Variants in PPP1R12B observed in about 807,000 individuals in gnomAD.
PPP1R12B encodes myosin phosphatase target subunit 2.
Under a neutral mutation model 126.1 loss-of-function variants are expected in PPP1R12B, and 76 were observed. That is an observed-to-expected ratio of 0.60 (90% confidence interval 0.50 to 0.73). The LOEUF (loss-of-function observed/expected upper bound fraction) is 0.73, where lower values mean the gene tolerates loss of function less well. Ranked by LOEUF, PPP1R12B falls within the 30% of genes least tolerant of loss-of-function variation. The pLI is 0.00. For missense variants in PPP1R12B, 1,052 were observed against 1,205.1 expected, an observed-to-expected ratio of 0.87 and a Z score of 1.88; for synonymous variants, 356 against 434.7, an observed-to-expected ratio of 0.82 and a Z score of 2.25.
rs1269289416 is a variant in PPP1R12B at position 202,586,197 on chromosome 1, C to G, written c.*5637C>G. 8 of 152,290 alleles carry G rather than the reference C, an allele frequency of 5.3e-5. No homozygotes were observed. Among genetic ancestry groups the G allele is most frequent in the Non-Finnish European group, 1.0e-4 (7 of 68,090 alleles). The allele number at this position is 152,290 out of a possible 1,614,324, so 9.4% of individuals were successfully genotyped here. ...GCAGTGTTTACAAACCCAGAGTCCA[C>G]ACAACCATATTGCATAGAACAGCAC... On this transcript the variant is annotated 3_prime_UTR_variant, in exon 24 of 24. Coordinates refer to ENST00000608999, the MANE Select transcript of PPP1R12B (RefSeq NM_002481.4).
intron 18 of PPP1R12B, among the ~76,000 whole-genome samples, chr1:202,555,871 T>TA (rs1310975069): frequency 6.6e-6 from 1 of 151,706 alleles, no homozygotes; most frequent in Non-Finnish European, 1.5e-5. Flanking sequence ...ATAGCCAATA[T>TA]AATATTCTTT....
chr1:202,482,171 T>C (rs547568549), intron 13 of PPP1R12B, among the ~76,000 whole-genome samples: 1 of 152,344 alleles, frequency 6.6e-6, no homozygotes, highest in East Asian at 1.9e-4. Flanking sequence ...ATATTTTTGT[T>C]AACGTAAATA....
chr1:202,487,261 G>A lies in PPP1R12B; in HGVS notation c.1851-1272G>A, dbSNP rs149455393. ...ACACTAATGATTAAAAAACAACAACGAGAAACTCTCTTAGCCTATTTTCTA... is the reference window on the plus strand; with the variant it reads ...ACACTAATGATTAAAAAACAACAACAAGAAACTCTCTTAGCCTATTTTCTA... On this transcript the variant is annotated intron_variant, in intron 13 of 23. Coordinates refer to ENST00000608999, the MANE Select transcript of PPP1R12B (RefSeq NM_002481.4). 4.6e-5 allele frequency among the ~76,000 whole-genome samples: 7 copies of A among 152,284 alleles called. No individual in the cohort carries two copies. In the East Asian group the frequency reaches 5.8e-4, roughly 13 times the overall value.
chr1:202,510,370 A>G (rs992145169), intron 18 of PPP1R12B, among the ~76,000 whole-genome samples: 5 of 152,200 alleles, frequency 3.3e-5, no homozygotes, highest in Admixed American at 2.6e-4. Context: ...GATTCTGGAT[A>G]AGGAGGTGAC....
At chr1:202,571,162 T>A (rs1400194484) in intron 23 of PPP1R12B, among the ~76,000 whole-genome samples, 2 of 152,216 alleles carry the variant, frequency 1.3e-5, no homozygotes, top group Non-Finnish European at 2.9e-5. Context: ...AAATTTGGAA[T>A]TATGGAAGCC....
rs2149058265 is a variant in PPP1R12B, at chr1:202,592,000, A to G, written c.*11440A>G. 6.5e-6 allele frequency: 1 copy of G among 152,986 alleles called. No individual in the cohort carries two copies. The highest frequency in any genetic ancestry group is 2.1e-4 in the South Asian group (1 of 4,826). The allele number at this position is 152,986 out of a possible 1,614,324, so 9.5% of individuals were successfully genotyped here. On this transcript the variant is annotated 3_prime_UTR_variant, in exon 24 of 24. Coordinates refer to ENST00000608999, the MANE Select transcript of PPP1R12B (RefSeq NM_002481.4). Reference sequence around the variant, plus strand: ...GCCCTGGACACCGTCCATTCTCATGACACGGGACTGAGGGAGCAGGAGGGA... The same window carrying G: ...GCCCTGGACACCGTCCATTCTCATGGCACGGGACTGAGGGAGCAGGAGGGA...
intron 23 of PPP1R12B, chr1:202,574,942 G>A (rs1688953584): frequency 2.0e-6 from 3 of 1,464,110 alleles, no homozygotes; most frequent in Admixed American, 1.9e-5. Context: ...TCTCTCCTCT[G>A]GTCTGTCTTG....
intron 1 of PPP1R12B, among the ~76,000 whole-genome samples, chr1:202,373,009 G>T (rs535196457): frequency 2.0e-5 from 3 of 151,650 alleles, no homozygotes; most frequent in Admixed American, 6.6e-5. Context: ...ATCTTGGCTC[G>T]CAGCAACCTT....
chr1:202,473,783 G>A (rs1676256201), intron 13 of PPP1R12B: 1 of 375,086 alleles, frequency 2.7e-6, no homozygotes, highest in South Asian at 2.1e-5. Context: ...CAAATTGCAA[G>A]CTTTGCCTCT....
rs547931525 is a variant in PPP1R12B at position 202,533,262 on chromosome 1, CTTATA to C, written c.2491-25613_2491-25609del. ...GTATCTCTAGTTAGACTTTCCTTGA[CTTATA>C]TGACCTTGGTTTTTTGGGGGTATTT... On this transcript the variant is annotated intron_variant, in intron 18 of 23. Coordinates refer to ENST00000608999, the MANE Select transcript of PPP1R12B (RefSeq NM_002481.4). Among the ~76,000 whole-genome samples the C allele has an allele frequency of 9.4e-3, 1,431 of 151,944 alleles. 12 individuals carry two copies. The highest frequency in any genetic ancestry group is 0.013 in the Non-Finnish European group (891 of 67,972).
chr1:202,569,315 AG>A (rs2149028014), intron 23 of PPP1R12B, 118 bp downstream of exon 23: 1 of 1,019,316 alleles, frequency 9.8e-7, no homozygotes, highest in Admixed American at 2.1e-5. Flanking sequence ...ATCTGCAAGA[AG>A]AAATGATGTG....
rs558540611 is a variant in PPP1R12B at position 202,401,046 on chromosome 1, G to A, written c.292-15741G>A. On this transcript the variant is annotated intron_variant, in intron 1 of 23. Transcript: ENST00000608999. ...AACTTATGTGAAATTCAGATTTTTA[G>A]TGTCCATAAAATTTTACTGGAACCC... is the stretch of plus-strand genomic sequence containing the variant. Among the ~76,000 whole-genome samples the A allele has an allele frequency of 2.0e-5, 3 of 152,272 alleles. No homozygotes were observed. The East Asian group carries it at 5.8e-4, about 29-fold the overall frequency.
intron 18 of PPP1R12B, among the ~76,000 whole-genome samples, chr1:202,541,756 C>T (rs1367567568): frequency 3.3e-5 from 5 of 152,156 alleles, no homozygotes; most frequent in Non-Finnish European, 5.9e-5. Context: ...TTTTCCTCTG[C>T]TTTCTTAGAG....
chr1:202,348,917 G>A lies in PPP1R12B; in HGVS notation c.66G>A (p.Gln22=), dbSNP rs1655402489. ...AESARMRRAE[Q]LRRWRGSLTE... ...CGGCGCGAATGCGGCGGGCAGAGCAGCTTCGGCGCTGGCGGGGCTCGCTGA... is the reference window on the plus strand; with the variant it reads ...CGGCGCGAATGCGGCGGGCAGAGCAACTTCGGCGCTGGCGGGGCTCGCTGA... The change falls in exon 1 of 24, where the codon CAG becomes CAA. Residue 22 remains glutamine (Q), a synonymous_variant. Coordinates refer to ENST00000608999, the MANE Select transcript of PPP1R12B (RefSeq NM_002481.4). The A allele has an allele frequency of 1.2e-6, 2 of 1,608,942 alleles. No individual in the cohort carries two copies. The highest frequency in any genetic ancestry group is 2.7e-5 in the African/African-American group (2 of 74,974).
intron 6 of PPP1R12B, 106 bp downstream of exon 6, chr1:202,429,035 A>G (rs1669891816): frequency 3.4e-6 from 3 of 874,584 alleles, no homozygotes; most frequent in South Asian, 3.8e-5. Context: ...TGAAATGGAC[A>G]TATCTGCATT....
intron 1 of PPP1R12B, among the ~76,000 whole-genome samples, chr1:202,396,003 G>A (rs906976321): frequency 1.3e-5 from 2 of 152,164 alleles, no homozygotes; most frequent in African/African-American, 4.8e-5. Flanking sequence ...TCTCTGGAAT[G>A]ATCATTTCAT....
At chr1:202,427,402 AT>A (rs1558211431) in intron 5 of PPP1R12B, among the ~76,000 whole-genome samples, 3 of 152,146 alleles carry the variant, frequency 2.0e-5, no homozygotes, top group African/African-American at 7.2e-5. Context: ...GATTGTATTT[AT>A]GTTCAAGCCT....
At chr1:202,501,950 G>A in intron 18 of PPP1R12B, 2 of 985,692 alleles carry the variant, frequency 2.0e-6, no homozygotes, top group South Asian at 4.7e-5. Flanking sequence ...AGCCTACTCA[G>A]AGTATCAAGA....
chr1:202,445,381 G>T (rs1282636362), intron 12 of PPP1R12B, among the ~76,000 whole-genome samples: 1 of 152,142 alleles, frequency 6.6e-6, no homozygotes. Flanking sequence ...CTTTTGCTTT[G>T]ACTTGTATTA....
Sources: gnomAD v4.1 joint callset for allele counts (sites outside exome capture counted in the v4.1 genomes callset) on GRCh38, gnomAD v4.1.1 for gene constraint, MANE v1.5 for transcripts, NCBI Gene and HGNC (gene_info 2026-07-23, HGNC 2026-07-21) for gene names.